Variants in HERC3 observed in about 807,000 individuals in gnomAD.
HERC3 encodes HECT and RLD domain containing E3 ubiquitin protein ligase 3.
In HERC3, 58 loss-of-function variants were observed where a neutral mutation model predicts 129.9. The ratio of observed to expected loss-of-function variants is 0.45; its 90% CI spans 0.36 to 0.56. The LOEUF is 0.56. Ranked by LOEUF, HERC3 falls within the 20% of genes least tolerant of loss-of-function variation. The pLI, the probability that HERC3 is intolerant of heterozygous loss-of-function variation, is 0.00. For synonymous variants in HERC3, 430 were observed against 451.0 expected, an observed-to-expected ratio of 0.95 and a Z score of 0.59; for missense variants, 835 against 1,244.2, an observed-to-expected ratio of 0.67 and a Z score of 4.95.
chr4:88,592,183 A>C (rs1721752266), upstream of HERC3, among the ~76,000 whole-genome samples: 1 of 152,236 alleles, frequency 6.6e-6, no homozygotes, highest in Non-Finnish European at 1.5e-5. Flanking sequence ...CCGCCAGTGA[A>C]AAGCAATCTT....
chr4:88,572,386 A>G, the HERC3 span, among the ~76,000 whole-genome samples: 1 of 151,786 alleles, frequency 6.6e-6, no homozygotes, highest in African/African-American at 2.4e-5. Flanking sequence ...TGTGACCATC[A>G]CTGCACTCCA....
chr4:88,593,290 G>C (rs561427524), intron 1 of HERC3: 4 of 152,708 alleles, frequency 2.6e-5, no homozygotes, highest in Non-Finnish European at 5.8e-5. Flanking sequence ...CCGACACGTC[G>C]GTGCGGACCG....
At chr4:88,697,479 A>G in intron 23 of HERC3, 1 of 1,613,990 alleles carries the variant, frequency 6.2e-7, no homozygotes. Flanking sequence ...CTTCTATCTT[A>G]TCGCATCGCT....
chr4:88,682,472 A>ACCCCCCCCCCCCCCCC (rs951318540), intron 21 of HERC3, among the ~76,000 whole-genome samples: 1 of 57,480 alleles, frequency 1.7e-5, no homozygotes, highest in Non-Finnish European at 3.2e-5. Context: ...TCCTTCCCCG[A>ACCCCCCCCCCCCCCCC]CCCCCCCACC....
the HERC3 span, among the ~76,000 whole-genome samples, chr4:88,565,159 G>A: frequency 6.6e-6 from 1 of 151,950 alleles, no homozygotes; most frequent in Non-Finnish European, 1.5e-5. Flanking sequence ...TCAAGGATAT[G>A]TTCTATCCTT....
chr4:88,615,241 G>C lies in HERC3; in HGVS notation c.226+9192G>C, dbSNP rs1182797257. ...GATTTCATCTAGGTTGGTGATCTATGATCTTTATAGATCTGGGGTAGGTAG... is the reference window on the plus strand; with the variant it reads ...GATTTCATCTAGGTTGGTGATCTATCATCTTTATAGATCTGGGGTAGGTAG... On this transcript the variant is annotated intron_variant, in intron 3 of 25. Transcript: ENST00000402738. Among the ~76,000 whole-genome samples, 3 of 152,234 alleles carry C rather than the reference G, an allele frequency of 2.0e-5. No individual in the cohort carries two copies. In the East Asian group the frequency reaches 5.8e-4, roughly 29 times the overall value.
At chr4:88,697,837 C>T (rs374959044) in intron 23 of HERC3, 5 of 1,492,968 alleles carry the variant, frequency 3.3e-6, no homozygotes, top group East Asian at 4.6e-5. Flanking sequence ...CTTGCGGATG[C>T]GGCAAGTGGC....
At chr4:88,632,395 A>G (rs1434391160) in intron 3 of HERC3, among the ~76,000 whole-genome samples, 2 of 152,210 alleles carry the variant, frequency 1.3e-5, no homozygotes, top group Non-Finnish European at 2.9e-5. Context: ...GTCCAAAATT[A>G]TTCAGCATAG....
the HERC3 span, among the ~76,000 whole-genome samples, chr4:88,524,267 AC>A: frequency 6.6e-6 from 1 of 152,164 alleles, no homozygotes. Flanking sequence ...TAGGCCTCTG[AC>A]CCTCCAAAAT....
chr4:88,640,687 TAACA>T (rs143313950), intron 3 of HERC3, among the ~76,000 whole-genome samples: 5,995 of 152,210 alleles, frequency 0.039, 343 homozygotes, highest in East Asian at 0.27. Context: ...TATACCTATT[TAACA>T]AACCTGCACG....
intron 3 of HERC3, among the ~76,000 whole-genome samples, chr4:88,629,837 C>T (rs977336279): frequency 6.6e-6 from 1 of 152,122 alleles, no homozygotes; most frequent in Admixed American, 6.5e-5. Context: ...AGATTTTTTA[C>T]ATAGCCTCTT....
At chr4:88,582,397 T>G in the HERC3 span, among the ~76,000 whole-genome samples, 1 of 152,090 alleles carries the variant, frequency 6.6e-6, no homozygotes, top group Non-Finnish European at 1.5e-5. Flanking sequence ...GCATGCTGAG[T>G]GCTTCGAACA....
chr4:88,663,172 G>A (rs1391272013), intron 11 of HERC3, among the ~76,000 whole-genome samples: 1 of 152,148 alleles, frequency 6.6e-6, no homozygotes, highest in African/African-American at 2.4e-5. Flanking sequence ...CTAAGTTGTG[G>A]TTATTCCCAG....
intron 10 of HERC3, among the ~76,000 whole-genome samples, chr4:88,658,777 G>A (rs753136308): frequency 1.3e-5 from 2 of 152,120 alleles, no homozygotes; most frequent in African/African-American, 2.4e-5. Flanking sequence ...TAGGGAGTTG[G>A]TGCTTACTTT....
chr4:88,686,127 T>G (rs1426210199), intron 21 of HERC3, among the ~76,000 whole-genome samples: 2 of 152,150 alleles, frequency 1.3e-5, no homozygotes, highest in Non-Finnish European at 2.9e-5. Flanking sequence ...AAACAACTTC[T>G]TTTCCTCTCT....
chr4:88,649,878 G>A lies in HERC3; in HGVS notation c.265G>A (p.Val89Met). 1 of 1,614,018 alleles carries A rather than the reference G, an allele frequency of 6.2e-7. No homozygotes were observed. The highest frequency in any genetic ancestry group is 8.5e-7 in the Non-Finnish European group (1 of 1,179,980). The change falls in exon 4 of 26, where the codon GTG becomes ATG. Residue 89 changes from valine (V) to methionine (M), a missense_variant. Val to Met is a conservative substitution (Grantham distance 21, BLOSUM62 1). Coordinates refer to ENST00000402738, the MANE Select transcript of HERC3 (RefSeq NM_014606.3). ...GALADQHIIH[V>M]ACGESHSLAL... ...TCTGGCAGATCAGCATATCATTCAT[G>A]TGGCATGTGGCGAGTCCCACAGTCT...
At chr4:88,605,732 A>G in intron 2 of HERC3, 63 bp from the exon 3 acceptor site, 1 of 919,452 alleles carries the variant, frequency 1.1e-6, no homozygotes, top group Non-Finnish European at 1.6e-6. Flanking sequence ...TACATTCATT[A>G]CTTGATTTTC....
intron 8 of HERC3, 96 bp downstream of exon 8, chr4:88,655,400 C>A: frequency 7.2e-7 from 1 of 1,387,042 alleles, no homozygotes; most frequent in Admixed American, 1.8e-5. Context: ...TAGTCACCGT[C>A]ATTTTAAGAG....
chr4:88,570,817 G>A, the HERC3 span, among the ~76,000 whole-genome samples: 2 of 151,158 alleles, frequency 1.3e-5, no homozygotes, highest in African/African-American at 4.9e-5. Context: ...CTGTCACCCA[G>A]GCTTGAGTGC....
Sources: gnomAD v4.1 joint callset for allele counts (sites outside exome capture counted in the v4.1 genomes callset) on GRCh38, gnomAD v4.1.1 for gene constraint, MANE v1.5 for transcripts, NCBI Gene and HGNC (gene_info 2026-07-23, HGNC 2026-07-21) for gene names.